The following RNF212 variants were observed in gnomAD, a reference collection of about 807,000 sequenced individuals.
RNF212 encodes ring finger protein 212.
In RNF212, 33 loss-of-function variants were observed where a neutral mutation model predicts 34.7. That is an observed-to-expected ratio of 0.95 (90% CI 0.72 to 1.27). The LOEUF (loss-of-function observed/expected upper bound fraction) is 1.27. RNF212 is among the 50% of genes most tolerant of loss of function. The pLI is 0.00. For synonymous variants in RNF212, 140 were observed against 136.1 expected, an observed-to-expected ratio of 1.03 and a Z score of -0.20; for missense variants, 377 against 362.2, an observed-to-expected ratio of 1.04 and a Z score of -0.33.
At chr4:1,080,051 TGA>T (rs1450444537) in intron 7 of RNF212, among the ~76,000 whole-genome samples, 2 of 152,226 alleles carry the variant, frequency 1.3e-5, no homozygotes, top group African/African-American at 2.4e-5. Flanking sequence ...TAGGACGTTC[TGA>T]GAGTGGGATC....
At chr4:1,059,085 G>C (rs986034443) in intron 3 of RNF212, among the ~76,000 whole-genome samples, 1 of 152,238 alleles carries the variant, frequency 6.6e-6, no homozygotes, top group Non-Finnish European at 1.5e-5. Flanking sequence ...CAGTGAGGGA[G>C]CCCAAGCATT....
chr4:1,058,324 A>AACAAGAATAAAACAC, exon 4 of RNF212: 1 of 958,032 alleles, frequency 1.0e-6, no homozygotes, highest in Non-Finnish European at 1.2e-6. Context: ...GCACTACCTG[A>AACAAGAATAAAACAC]GAGGCTTTCC....
intron 4 of RNF212, among the ~76,000 whole-genome samples, chr4:1,090,050 A>G (rs1321237313): frequency 6.7e-6 from 1 of 149,224 alleles, no homozygotes; most frequent in Non-Finnish European, 1.5e-5. Context: ...GTGACAGGAC[A>G]GGGTGGTGGT....
At chr4:1,096,902 A>T in intron 2 of RNF212, 63 bp from the exon 3 acceptor site, 2 of 1,254,516 alleles carry the variant, frequency 1.6e-6, no homozygotes, top group Non-Finnish European at 2.3e-6. Flanking sequence ...GCCCCCAGTT[A>T]AAAACTGTAC....
At chr4:1,081,381 C>A (rs775469158) in intron 7 of RNF212, 38 bp downstream of exon 7, 1 of 1,590,510 alleles carries the variant, frequency 6.3e-7, no homozygotes, top group Admixed American at 1.7e-5. Flanking sequence ...ATCGGAAAGA[C>A]CTGCAGGTCC....
chr4:1,081,676 G>A, intron 5 of RNF212, 57 bp from the exon 6 acceptor site: 2 of 1,233,386 alleles, frequency 1.6e-6, no homozygotes, highest in Non-Finnish European at 2.4e-6. Context: ...TTCCCCCCAG[G>A]TCATCCCAAC....
rs540539692 is a variant in RNF212, at chr4:1,085,879, G to T, written c.362+17C>A. On this transcript the variant is annotated intron_variant, in intron 5 of 9. Coordinates refer to ENST00000433731, the MANE Select transcript of RNF212 (RefSeq NM_001131034.4). ...GGGTGCCTCGACTGCGCACTCACGGGGGGTGGGGCGCCTTACCTTTGTAGT... is the reference window on the plus strand; with the variant it reads ...GGGTGCCTCGACTGCGCACTCACGGTGGGTGGGGCGCCTTACCTTTGTAGT... 50 of 1,596,784 alleles carry T rather than the reference G, an allele frequency of 3.1e-5. No individual in the cohort carries two copies. The highest frequency in any genetic ancestry group is 3.9e-5 in the Non-Finnish European group (46 of 1,165,034).
chr4:1,071,036 A>G (rs1560095809), downstream of RNF212, among the ~76,000 whole-genome samples: 3 of 151,112 alleles, frequency 2.0e-5, no homozygotes. Context: ...TTAAAAAACT[A>G]ATTTTTTTAA....
chr4:1,068,196 G>A (rs573628963), downstream of RNF212, among the ~76,000 whole-genome samples: 3 of 152,308 alleles, frequency 2.0e-5, no homozygotes, highest in East Asian at 3.9e-4. Flanking sequence ...GGGCTATGCC[G>A]TCTAATTCCA....
rs186863067 is a variant in RNF212 at position 1,108,325 on chromosome 4, C to T, written c.171+18G>A. ...TATGACTGTGATTAAGATGCAGATA[C>T]GACACATTTCAACTTACATGCTTTG... On this transcript the variant is annotated intron_variant, in intron 2 of 9. Coordinates refer to ENST00000433731, the MANE Select transcript of RNF212 (RefSeq NM_001131034.4). The T allele has an allele frequency of 2.5e-5, 36 of 1,451,012 alleles. No individual in the cohort carries two copies. The Middle Eastern group carries it at 5.3e-4, about 21-fold the overall frequency. The allele number at this position is 1,451,012 out of a possible 1,614,324, so 89.9% of individuals were successfully genotyped here.
At position 1,072,631 on chromosome 4, in the gene RNF212, C is replaced by A; in HGVS notation, c.*243G>T. 2.8e-6 allele frequency: 3 copies of A among 1,076,712 alleles called. No individual in the cohort carries two copies. The highest frequency in any genetic ancestry group is 2.3e-6 in the Non-Finnish European group (2 of 864,248). 66.7% of individuals were successfully genotyped at this position (1,076,712 alleles called of 1,614,324 possible). A position where few individuals can be genotyped will look rare whatever the true frequency, so the allele number is the denominator to read the frequency against. ...TTTAAGTATGTGAAAAAAAAACTCC[C>A]TAAGCATGAGAACCTATAAAATAAA... On this transcript the variant is annotated 3_prime_UTR_variant, in exon 10 of 10. Coordinates refer to ENST00000433731, the MANE Select transcript of RNF212 (RefSeq NM_001131034.4).
chr4:1,108,284 C>T (rs1725127891), intron 2 of RNF212, 59 bp downstream of exon 2: 2 of 1,166,902 alleles, frequency 1.7e-6, no homozygotes, highest in African/African-American at 1.6e-5. Context: ...AATTAAATAT[C>T]AAATTTAAAA....
intron 8 of RNF212, among the ~76,000 whole-genome samples, chr4:1,077,880 C>T (rs1050081256): frequency 1.3e-5 from 2 of 152,184 alleles, no homozygotes; most frequent in African/African-American, 4.8e-5. Flanking sequence ...GCACAGCTCC[C>T]GTGTTGCCGG....
At chr4:1,099,437 A>G (rs590118) in intron 2 of RNF212, among the ~76,000 whole-genome samples, 149,955 of 152,298 alleles carry the variant, frequency 0.98, 73,864 homozygotes, top group East Asian at 1. Flanking sequence ...GTGAGTATTA[A>G]CTGTCCATGG....
At chr4:1,102,476 C>T (rs80031357) in intron 2 of RNF212, among the ~76,000 whole-genome samples, 3,119 of 152,164 alleles carry the variant, frequency 0.02, 100 homozygotes, top group African/African-American at 0.072. Flanking sequence ...ACAGTTAAAA[C>T]CTGTGTTGTT....
At chr4:1,095,627 AC>A in intron 3 of RNF212, among the ~76,000 whole-genome samples, 1 of 76,170 alleles carries the variant, frequency 1.3e-5, no homozygotes, top group Non-Finnish European at 2.4e-5. Context: ...AACCAAGCAC[AC>A]CCCCCACAGC....
chr4:1,097,730 G>A (rs1723280712), intron 2 of RNF212, among the ~76,000 whole-genome samples: 1 of 152,138 alleles, frequency 6.6e-6, no homozygotes, highest in South Asian at 2.1e-4. Context: ...CAAAACACTA[G>A]GCGACAGCTG....
At chr4:1,099,470 C>G (rs619407) in intron 2 of RNF212, among the ~76,000 whole-genome samples, 124,035 of 152,076 alleles carry the variant, frequency 0.82, 52,202 homozygotes, top group East Asian at 1. Context: ...GTGGGGCCTC[C>G]TGCAGTGAGA....
chr4:1,069,262 T>C (rs1238186356), downstream of RNF212, among the ~76,000 whole-genome samples: 3 of 151,888 alleles, frequency 2.0e-5, no homozygotes, highest in Admixed American at 6.6e-5. Flanking sequence ...AGTGAATACA[T>C]AGATACCTGA....
Sources: allele counts gnomAD v4.1 joint callset (sites outside exome capture counted in the v4.1 genomes callset), GRCh38; gene constraint gnomAD v4.1.1; transcripts MANE v1.5; gene names NCBI Gene and HGNC (gene_info 2026-07-23, HGNC 2026-07-21).